Variants in MAGI1 observed in about 807,000 individuals in gnomAD.
MAGI1 encodes the protein membrane associated guanylate kinase, WW and PDZ domain containing 1.
A neutral mutation model predicts 139.9 loss-of-function variants in MAGI1; 58 were observed. The observed-to-expected ratio is 0.41, with a 90% CI of 0.34 to 0.52. The LOEUF is 0.52. Ranked by LOEUF, MAGI1 falls within the 20% of genes least tolerant of loss-of-function variation. The pLI is 0.12. For missense variants in MAGI1, 1,874 were observed against 1,901.6 expected, an observed-to-expected ratio of 0.99 and a Z score of 0.27; for synonymous variants, 812 against 737.9, an observed-to-expected ratio of 1.10 and a Z score of -1.63.
chr3:65,489,976 C>A (rs889381230), intron 3 of MAGI1, among the ~76,000 whole-genome samples: 1 of 152,062 alleles, frequency 6.6e-6, no homozygotes, highest in Non-Finnish European at 1.5e-5. Context: ...CTGGAACCAG[C>A]AGAGGTCTGG....
At position 65,890,524 on chromosome 3, in the gene MAGI1, T is replaced by C. The variant is rs2060705895; in HGVS notation, c.313+147472A>G. On this transcript the variant is annotated intron_variant, in intron 1 of 22. Coordinates refer to ENST00000402939, the MANE Select transcript of MAGI1 (RefSeq NM_001033057.2). Reference sequence around the variant, plus strand: ...AACAATATTTTTCTCATTTCATGTCTGAACAAGGCCCAGCACAGATCCAAG... The same window carrying C: ...AACAATATTTTTCTCATTTCATGTCCGAACAAGGCCCAGCACAGATCCAAG... Among the ~76,000 whole-genome samples the C allele has an allele frequency of 5.3e-5, 8 of 152,346 alleles. No homozygotes were observed. In the South Asian group the frequency reaches 1.7e-3, roughly 32 times the overall value.
intron 2 of MAGI1, among the ~76,000 whole-genome samples, chr3:65,510,068 T>C (rs2077503479): frequency 6.6e-6 from 1 of 151,852 alleles, no homozygotes. Flanking sequence ...CTGCAGGGTA[T>C]TCCAACAGAC....
At chr3:65,962,447 A>G (rs1419744168) in intron 1 of MAGI1, among the ~76,000 whole-genome samples, 2 of 152,114 alleles carry the variant, frequency 1.3e-5, no homozygotes, top group Admixed American at 6.5e-5. Context: ...CAAGTGTACT[A>G]AAGTTCCTCC....
intron 1 of MAGI1, among the ~76,000 whole-genome samples, chr3:65,725,072 T>C (rs1252809192): frequency 1.3e-5 from 2 of 152,204 alleles, no homozygotes; most frequent in African/African-American, 4.8e-5. Context: ...CACCCAGGAT[T>C]TGAGTCAAAA....
At chr3:65,851,867 A>T (rs1344652731) in intron 1 of MAGI1, among the ~76,000 whole-genome samples, 2 of 152,228 alleles carry the variant, frequency 1.3e-5, no homozygotes, top group Non-Finnish European at 2.9e-5. Context: ...TAATATAAAA[A>T]AGTTTAATCA....
chr3:66,001,844 T>G (rs2066756511), intron 1 of MAGI1, among the ~76,000 whole-genome samples: 1 of 152,228 alleles, frequency 6.6e-6, no homozygotes, highest in Non-Finnish European at 1.5e-5. Flanking sequence ...GGCCAAGCTG[T>G]TAAAGCCTTT....
intron 1 of MAGI1, among the ~76,000 whole-genome samples, chr3:66,014,267 G>A (rs2067503252): frequency 6.6e-6 from 1 of 152,126 alleles, no homozygotes; most frequent in African/African-American, 2.4e-5. Flanking sequence ...CTTCTCAGAG[G>A]TAGCCACAGG....
intron 1 of MAGI1, among the ~76,000 whole-genome samples, chr3:65,661,781 T>G (rs1180720568): frequency 1.5e-5 from 2 of 129,274 alleles, no homozygotes; most frequent in Non-Finnish European, 3.1e-5. Flanking sequence ...GGAGTCTCGC[T>G]CTGTTGCCCA....
intron 2 of MAGI1, among the ~76,000 whole-genome samples, chr3:65,570,340 G>A (rs1436512849): frequency 2.0e-5 from 3 of 151,088 alleles, no homozygotes; most frequent in Non-Finnish European, 2.9e-5. Context: ...GACTTCAAGT[G>A]ATCCACCAGC....
chr3:65,665,159 T>C (rs1394335627), intron 1 of MAGI1, among the ~76,000 whole-genome samples: 1 of 152,212 alleles, frequency 6.6e-6, no homozygotes, highest in Non-Finnish European at 1.5e-5. Flanking sequence ...GCAAATTTCC[T>C]ACCTCTTTAA....
chr3:65,520,736 C>T (rs1415538665), intron 2 of MAGI1, among the ~76,000 whole-genome samples: 3 of 152,118 alleles, frequency 2.0e-5, no homozygotes, highest in Non-Finnish European at 4.4e-5. Context: ...CCAGGAGAAA[C>T]AAGAGCCACA....
chr3:66,013,773 A>G (rs1247445550), intron 1 of MAGI1, among the ~76,000 whole-genome samples: 11 of 152,064 alleles, frequency 7.2e-5, no homozygotes, highest in Middle Eastern at 3.4e-3. Context: ...AAAAAAAAAA[A>G]AAAGAAAGAA....
At chr3:65,629,594 C>T (rs1475744392) in intron 1 of MAGI1, among the ~76,000 whole-genome samples, 2 of 150,638 alleles carry the variant, frequency 1.3e-5, no homozygotes, top group Non-Finnish European at 2.9e-5. Flanking sequence ...TTCAGCACTT[C>T]AGTTTTATAA....
intron 1 of MAGI1, among the ~76,000 whole-genome samples, chr3:65,723,084 G>C (rs996849325): frequency 1.3e-5 from 2 of 152,108 alleles, no homozygotes; most frequent in East Asian, 3.9e-4. Context: ...TCATCATACA[G>C]GTCAGAAAAA....
intron 20 of MAGI1, among the ~76,000 whole-genome samples, chr3:65,364,128 A>G (rs1941164395): frequency 6.9e-6 from 1 of 145,658 alleles, no homozygotes; most frequent in Non-Finnish European, 1.5e-5. Flanking sequence ...CAGGAGTTTC[A>G]GTCCAGTCTG....
intron 1 of MAGI1, among the ~76,000 whole-genome samples, chr3:65,851,399 T>G (rs1164081898): frequency 6.6e-6 from 1 of 152,120 alleles, no homozygotes; most frequent in African/African-American, 2.4e-5. Context: ...GTTGCCTTAT[T>G]TGGATTTTGA....
At chr3:65,952,845 T>A (rs901862722) in intron 1 of MAGI1, among the ~76,000 whole-genome samples, 1 of 152,130 alleles carries the variant, frequency 6.6e-6, no homozygotes, top group Non-Finnish European at 1.5e-5. Flanking sequence ...AAAAGCCACA[T>A]AAATATCACT....
At chr3:66,009,875 A>C (rs147052062) in intron 1 of MAGI1, among the ~76,000 whole-genome samples, 1,812 of 152,090 alleles carry the variant, frequency 0.012, 33 homozygotes, top group African/African-American at 0.041. Context: ...CAGGAGTTCC[A>C]GACCAGCCTG....
At chr3:65,464,078 G>C (rs1461777210) in intron 5 of MAGI1, among the ~76,000 whole-genome samples, 1 of 151,966 alleles carries the variant, frequency 6.6e-6, no homozygotes, top group African/African-American at 2.4e-5. Context: ...AATGACTTTA[G>C]GGTCCATAGT....
Sources: gnomAD v4.1 joint callset for allele counts (sites outside exome capture counted in the v4.1 genomes callset) on GRCh38, gnomAD v4.1.1 for gene constraint, MANE v1.5 for transcripts, NCBI Gene and HGNC (gene_info 2026-07-23, HGNC 2026-07-21) for gene names.